Variants in RALYL observed in about 807,000 individuals in gnomAD.
RALYL encodes RALY RNA binding protein like, also known as RNA-binding Raly-like protein.
Under a neutral mutation model 35.1 loss-of-function variants are expected in RALYL, and 29 were observed. The observed-to-expected ratio is 0.83, with a 90% CI of 0.61 to 1.13. The LOEUF is 1.13. Among genes scored for constraint, RALYL ranks in the 50% most tolerant of loss-of-function variants. The pLI, the probability that RALYL is intolerant of heterozygous loss-of-function variation, is 0.00. For synonymous variants in RALYL, 120 were observed against 127.6 expected, an observed-to-expected ratio of 0.94 and a Z score of 0.40; for missense variants, 359 against 360.4, an observed-to-expected ratio of 1.00 and a Z score of 0.03.
intron 1 of RALYL, among the ~76,000 whole-genome samples, chr8:84,420,342 T>G: frequency 6.6e-6 from 1 of 152,294 alleles, no homozygotes; most frequent in East Asian, 1.9e-4. Flanking sequence ...CATAAATGTC[T>G]TCTTTTGAGA....
intron 2 of RALYL, among the ~76,000 whole-genome samples, chr8:84,641,411 A>T (rs2131374458): frequency 6.6e-6 from 1 of 151,854 alleles, no homozygotes; most frequent in South Asian, 2.1e-4. Flanking sequence ...AAGCCATTCC[A>T]CTATTTTAGA....
intron 1 of RALYL, among the ~76,000 whole-genome samples, chr8:84,394,751 C>T (rs1260600552): frequency 6.6e-6 from 1 of 151,870 alleles, no homozygotes; most frequent in Non-Finnish European, 1.5e-5. Context: ...AATTCACACT[C>T]TTTGATAGTT....
intron 2 of RALYL, among the ~76,000 whole-genome samples, chr8:84,627,606 T>C (rs910142474): frequency 1.3e-5 from 2 of 151,544 alleles, no homozygotes; most frequent in Middle Eastern, 3.2e-3. Context: ...CTGGCCACTC[T>C]TTCTCAGCTT....
chr8:84,338,465 TAA>T (rs11371775), intron 1 of RALYL, among the ~76,000 whole-genome samples: 3,183 of 137,532 alleles, frequency 0.023, 114 homozygotes, highest in African/African-American at 0.075. Flanking sequence ...GTACTGCAAT[TAA>T]AAAAAAAAAA....
At chr8:84,895,694 T>C (rs1178156789) in intron 8 of RALYL, among the ~76,000 whole-genome samples, 1 of 152,052 alleles carries the variant, frequency 6.6e-6, no homozygotes, top group Non-Finnish European at 1.5e-5. Context: ...TGTATTTTAG[T>C]AGAGATGAGG....
intron 1 of RALYL, among the ~76,000 whole-genome samples, chr8:84,444,098 G>C (rs532215637): frequency 6.6e-6 from 1 of 152,114 alleles, no homozygotes; most frequent in Non-Finnish European, 1.5e-5. Flanking sequence ...GGATGTCAAG[G>C]CAGGAGAATC....
chr8:84,610,208 TC>T (rs1222047401), intron 2 of RALYL, among the ~76,000 whole-genome samples: 4 of 152,084 alleles, frequency 2.6e-5, no homozygotes, highest in African/African-American at 9.7e-5. Context: ...TGTTCCGGGA[TC>T]CCATTTAGAC....
At chr8:84,290,527 G>A (rs576079624) in intron 1 of RALYL, among the ~76,000 whole-genome samples, 1 of 152,210 alleles carries the variant, frequency 6.6e-6, no homozygotes, top group East Asian at 1.9e-4. Context: ...CAGTGGGGGT[G>A]CTTTTTGAGC....
At chr8:84,419,585 G>T (rs1212043165) in intron 1 of RALYL, among the ~76,000 whole-genome samples, 18 of 150,170 alleles carry the variant, frequency 1.2e-4, no homozygotes, top group African/African-American at 4.2e-4. Flanking sequence ...TAGGGTACAT[G>T]TGCACATTGT....
intron 6 of RALYL, among the ~76,000 whole-genome samples, chr8:84,867,002 C>T (rs183987602): frequency 1.3e-5 from 2 of 152,192 alleles, no homozygotes; most frequent in East Asian, 3.9e-4. Flanking sequence ...GTGGCTTAAA[C>T]AACAGAAATT....
At chr8:84,449,798 CATA>C (rs1282993292) in intron 1 of RALYL, among the ~76,000 whole-genome samples, 1 of 151,904 alleles carries the variant, frequency 6.6e-6, no homozygotes, top group African/African-American at 2.4e-5. Flanking sequence ...TGAATTTGTT[CATA>C]ATATGAGAAG....
At chr8:84,317,561 G>A (rs1030339159) in intron 1 of RALYL, among the ~76,000 whole-genome samples, 11 of 152,130 alleles carry the variant, frequency 7.2e-5, no homozygotes, top group African/African-American at 2.4e-4. Context: ...CAGAATTGCC[G>A]CATACCACTG....
intron 1 of RALYL, among the ~76,000 whole-genome samples, chr8:84,433,420 G>A (rs1030378187): frequency 1.3e-5 from 2 of 151,980 alleles, no homozygotes; most frequent in Non-Finnish European, 2.9e-5. Context: ...TTGTAACATA[G>A]CACCTAAAAC....
chr8:84,729,069 A>G (rs1845591292), intron 2 of RALYL, among the ~76,000 whole-genome samples: 3 of 152,068 alleles, frequency 2.0e-5, no homozygotes, highest in Non-Finnish European at 4.4e-5. Context: ...CTTGGGCAGT[A>G]TGGCCATTTT....
intron 2 of RALYL, among the ~76,000 whole-genome samples, chr8:84,581,545 G>A (rs1354922179): frequency 6.6e-6 from 1 of 152,134 alleles, no homozygotes; most frequent in African/African-American, 2.4e-5. Context: ...CACATTGGAT[G>A]TGCTCAATAA....
At chr8:84,559,543 A>G (rs1005135581) in intron 2 of RALYL, among the ~76,000 whole-genome samples, 1 of 152,020 alleles carries the variant, frequency 6.6e-6, no homozygotes, top group Non-Finnish European at 1.5e-5. Context: ...ATGGTGATTC[A>G]TTTTTCATGT....
chr8:84,611,242 A>G (rs535001773), intron 2 of RALYL, among the ~76,000 whole-genome samples: 90 of 152,252 alleles, frequency 5.9e-4, no homozygotes, highest in Middle Eastern at 3.4e-3. Flanking sequence ...TTGATTGATG[A>G]AAGTGTCATT....
At chr8:84,697,050 A>C (rs1321421780) in intron 2 of RALYL, among the ~76,000 whole-genome samples, 1 of 152,030 alleles carries the variant, frequency 6.6e-6, no homozygotes, top group East Asian at 1.9e-4. Context: ...CTAAATAGGA[A>C]CAGGAAAGGA....
intron 1 of RALYL, among the ~76,000 whole-genome samples, chr8:84,468,372 G>A (rs997342243): frequency 1.3e-5 from 2 of 151,650 alleles, no homozygotes; most frequent in Non-Finnish European, 2.9e-5. Context: ...TTGCTTGTCT[G>A]TAAAGTATTT....
Sources: allele counts gnomAD v4.1 joint callset (sites outside exome capture counted in the v4.1 genomes callset), GRCh38; gene constraint gnomAD v4.1.1; transcripts MANE v1.5; gene names NCBI Gene and HGNC (gene_info 2026-07-23, HGNC 2026-07-21).